ATRX: variants seen among roughly 807,000 people sequenced by gnomAD.
ATRX encodes ATRX chromatin remodeler, also known as chromatin remodeler ATRX.
Under a neutral mutation model 172.6 loss-of-function variants are expected in ATRX, and 12 were observed. The observed-to-expected ratio is 0.07, with a 90% confidence interval of 0.04 to 0.11. ATRX has a LOEUF of 0.11. ATRX is among the 10% of genes least tolerant of loss of function. The pLI is 1.00. For missense variants in ATRX, 1,368 were observed against 1,767.4 expected (o/e 0.77, Z 4.05); for synonymous variants, 674 against 594.7 (o/e 1.13, Z -1.94).
chrX:77,522,477 T>C, intron 31 of ATRX, 89 bp from the exon 32 acceptor site: 4 of 1,012,100 alleles, frequency 4.0e-6, no homozygotes, highest in Non-Finnish European at 5.5e-6. Flanking sequence ...GAATCCACAT[T>C]CTCAGATCCA....
chrX:77,643,578 G>A (rs1166496081), intron 15 of ATRX, among the ~76,000 whole-genome samples: 1 of 110,421 alleles, frequency 9.1e-6, no homozygotes, highest in African/African-American at 3.3e-5. Context: ...GCACCACCAC[G>A]CCCAACTAGT....
At chrX:77,693,209 A>G (rs1438300180) in intron 6 of ATRX, among the ~76,000 whole-genome samples, 1 of 111,310 alleles carries the variant, frequency 9.0e-6, no homozygotes, top group East Asian at 2.8e-4. Flanking sequence ...AAGGGAAGAT[A>G]GACAGACAAA....
At position 77,772,751 on chromosome X, in the gene ATRX, G is replaced by T. The variant is rs782684033; in HGVS notation, c.20+13231C>A. On this transcript the variant is annotated intron_variant, in intron 1 of 34. Coordinates refer to ENST00000373344, the MANE Select transcript of ATRX (RefSeq NM_000489.6). ...CCGCCTCGGCCTCCCAAAGTGCTGG[G>T]ATCACTCCCAAAGGCGTGAGTCACC... 5.4e-4 allele frequency among the ~76,000 whole-genome samples: 59 copies of T among 109,814 alleles called. No homozygotes were observed. The South Asian group carries it at 0.015, about 27-fold the overall frequency.
chrX:77,682,467 C>G lies in ATRX; in HGVS notation c.2789G>C (p.Ser930Thr), dbSNP rs727503817. The G allele has an allele frequency of 1.7e-6, 2 of 1,211,304 alleles. No homozygotes were observed. The highest frequency in any genetic ancestry group is 2.2e-6 in the Non-Finnish European group (2 of 895,269). The change falls in exon 9 of 35, where the codon AGT becomes ACT. Residue 930 changes from serine to threonine, a missense_variant. Transcript: ENST00000373344. ...TTTTCTAACTTCCAAAGAAGTAAAACTCTCCTCTTTCCCAGAAAGCTTATC... is the reference window on the plus strand; with the variant it reads ...TTTTCTAACTTCCAAAGAAGTAAAAGTCTCCTCTTTCCCAGAAAGCTTATC... ...GVDKLSGKEE[S>T]FTSLEVRKVA...
intron 10 of ATRX, among the ~76,000 whole-genome samples, chrX:77,665,653 C>G (rs1720719570): frequency 8.9e-6 from 1 of 111,894 alleles, no homozygotes; most frequent in African/African-American, 3.2e-5. Flanking sequence ...AGAAAAATAA[C>G]TGAAAATGTA....
At chrX:77,559,041 T>C (rs377501873) in intron 28 of ATRX, among the ~76,000 whole-genome samples, 195 bp from the exon 29 acceptor site, 3 of 111,123 alleles carry the variant, frequency 2.7e-5, no homozygotes, top group Non-Finnish European at 5.7e-5. Context: ...AAGAATCCTA[T>C]TGTTGGAAAA....
At chrX:77,579,312 T>C (rs2065743188) in intron 27 of ATRX, among the ~76,000 whole-genome samples, 2 of 111,802 alleles carry the variant, frequency 1.8e-5, no homozygotes, top group Admixed American at 1.9e-4. Flanking sequence ...AGTAACCAGG[T>C]AGTGGTTACA....
chrX:77,532,813 A>C (rs1330846267), intron 30 of ATRX, among the ~76,000 whole-genome samples: 1 of 112,330 alleles, frequency 8.9e-6, no homozygotes, highest in African/African-American at 3.2e-5. Context: ...TAAACTAAAA[A>C]GCTTCTGCAC....
At chrX:77,667,754 T>A (rs931005989) in intron 10 of ATRX, among the ~76,000 whole-genome samples, 12 of 111,706 alleles carry the variant, frequency 1.1e-4, no homozygotes, top group African/African-American at 3.3e-4. Flanking sequence ...TATTAATAAA[T>A]CATATAAAGT....
intron 1 of ATRX, among the ~76,000 whole-genome samples, chrX:77,754,590 G>A (rs1011111090): frequency 4.5e-5 from 5 of 111,419 alleles, no homozygotes; most frequent in Admixed American, 1.9e-4. Context: ...TTCCTCCTTC[G>A]CTTACGAAGC....
chrX:77,614,569 GTTTT>G (rs1158916337), intron 22 of ATRX, among the ~76,000 whole-genome samples: 8 of 111,522 alleles, frequency 7.2e-5, no homozygotes, highest in Admixed American at 3.8e-4. Flanking sequence ...CAAAAAGAGT[GTTTT>G]TTTAAAATTT....
chrX:77,513,838 T>C (rs1385764437), intron 34 of ATRX, among the ~76,000 whole-genome samples: 1 of 111,480 alleles, frequency 9.0e-6, no homozygotes, highest in Non-Finnish European at 1.9e-5. Context: ...GCAGATGCCA[T>C]GATTCTGTAT....
chrX:77,687,735 T>G (rs1297745994), intron 7 of ATRX, among the ~76,000 whole-genome samples: 1 of 112,114 alleles, frequency 8.9e-6, no homozygotes, highest in Non-Finnish European at 1.9e-5. Context: ...GGATACAAAT[T>G]GCTAAAGAAC....
At chrX:77,744,146 A>G (rs782780948) in intron 1 of ATRX, among the ~76,000 whole-genome samples, 5 of 112,171 alleles carry the variant, frequency 4.5e-5, no homozygotes, top group African/African-American at 1.3e-4. Context: ...TGAGACCCCC[A>G]TCTCTAAAAG....
chrX:77,737,435 A>AGGGGGGGGGG (rs1210379916), intron 1 of ATRX, among the ~76,000 whole-genome samples: 3 of 39,175 alleles, frequency 7.7e-5, no homozygotes, highest in Admixed American at 3.8e-4. Context: ...AAAAAAAAAA[A>AGGGGGGGGGG]GGGGGGGGGG....
At chrX:77,702,035 C>T (rs191024186) in intron 2 of ATRX, among the ~76,000 whole-genome samples, 14 of 111,162 alleles carry the variant, frequency 1.3e-4, no homozygotes, top group African/African-American at 4.6e-4. Context: ...CACTGCACTC[C>T]ACCCTGGTCA....
At chrX:77,531,579 A>G (rs1448120619) in intron 30 of ATRX, among the ~76,000 whole-genome samples, 1 of 112,395 alleles carries the variant, frequency 8.9e-6, no homozygotes, top group African/African-American at 3.2e-5. Context: ...AAAATTGAGC[A>G]TGCCTTCATT....
chrX:77,617,937 T>C (rs1055180592), intron 21 of ATRX, among the ~76,000 whole-genome samples: 4 of 110,439 alleles, frequency 3.6e-5, no homozygotes, highest in Non-Finnish European at 7.6e-5. Context: ...CAGCCTGGAG[T>C]GTAGTGGCAT....
At chrX:77,750,397 C>T (rs1246568741) in intron 1 of ATRX, among the ~76,000 whole-genome samples, 3 of 111,621 alleles carry the variant, frequency 2.7e-5, no homozygotes, top group Admixed American at 9.6e-5. Flanking sequence ...AAACGTATAA[C>T]ACCACCTTTG....
Sources: allele counts gnomAD v4.1 joint callset (sites outside exome capture counted in the v4.1 genomes callset), GRCh38; gene constraint gnomAD v4.1.1; transcripts MANE v1.5; gene names NCBI Gene and HGNC (gene_info 2026-07-23, HGNC 2026-07-21).